The following KIAA0040 variants were observed in gnomAD, a reference collection of about 807,000 sequenced individuals.
KIAA0040 encodes KIAA0040, also known as uncharacterized protein KIAA0040.
KIAA0040 carries 10 observed loss-of-function variants against 7.2 expected under a neutral mutation model. The ratio of observed to expected loss-of-function variants is 1.38; its 90% confidence interval spans 0.85 to 2.34. The LOEUF is 2.34. Among genes scored for constraint, KIAA0040 ranks in the 30% most tolerant of loss-of-function variants. The pLI, the probability that KIAA0040 is intolerant of heterozygous loss-of-function variation, is 0.00. For missense variants in KIAA0040, 89 were observed against 108.2 expected, an observed-to-expected ratio of 0.82 and a Z score of 0.79; for synonymous variants, 49 against 40.1, an observed-to-expected ratio of 1.22 and a Z score of -0.84.
chr1:175,182,104 A>G (rs1033875051), intron 1 of KIAA0040, among the ~76,000 whole-genome samples: 4 of 152,168 alleles, frequency 2.6e-5, no homozygotes, highest in African/African-American at 9.7e-5. Context: ...CCCTCCATAC[A>G]TCATAACATG....
intron 2 of KIAA0040, among the ~76,000 whole-genome samples, chr1:175,176,115 C>T (rs546911628): frequency 1.3e-5 from 2 of 152,288 alleles, no homozygotes; most frequent in African/African-American, 4.8e-5. Flanking sequence ...GGGGCAATAA[C>T]AGAATGACTG....
chr1:175,174,577 A>T lies in KIAA0040; in HGVS notation c.-310+3034T>A, dbSNP rs150356297. On this transcript the variant is annotated intron_variant, in intron 2 of 3. Transcript: ENST00000423313. ...CATGTGGAAGAACACTGAGCAGGGA[A>T]AATTGCAATCTCAATGCAAAGTAGT... Among the ~76,000 whole-genome samples, 19 of 152,314 alleles carry T rather than the reference A, an allele frequency of 1.2e-4. No homozygotes were observed. In the East Asian group the frequency reaches 2.7e-3, roughly 22 times the overall value.
At chr1:175,163,235 G>T (rs1894709) in intron 3 of KIAA0040, among the ~76,000 whole-genome samples, 61,680 of 152,078 alleles carry the variant, frequency 0.41, 12,927 homozygotes, top group Non-Finnish European at 0.45. Flanking sequence ...CTATTCCCCA[G>T]ATTAACTTAA....
intron 3 of KIAA0040, among the ~76,000 whole-genome samples, chr1:175,164,802 T>C (rs1468779357): frequency 1.3e-5 from 2 of 151,508 alleles, no homozygotes; most frequent in Non-Finnish European, 2.9e-5. Flanking sequence ...TCATTAGTAT[T>C]TATGAGTCTT....
chr1:175,179,078 A>G (rs1677334837), intron 1 of KIAA0040, among the ~76,000 whole-genome samples: 1 of 151,998 alleles, frequency 6.6e-6, no homozygotes, highest in South Asian at 2.1e-4. Context: ...AGTTGGGGTG[A>G]GCTACATAGG....
rs1348168458 is a variant in KIAA0040, at chr1:175,159,650, C to T, written c.*1064G>A. 1 of 152,238 alleles carries T rather than the reference C, an allele frequency of 6.6e-6. No individual in the cohort carries two copies. Among genetic ancestry groups the T allele is most frequent in the Admixed American group, 6.5e-5 (1 of 15,284 alleles). 9.4% of individuals were successfully genotyped at this position (152,238 alleles called of 1,614,324 possible). ...TCCAGTGTTGCCTTCTGTGAGACTG[C>T]ACTGATGATTGTCTAGTTCCTTCCC... On this transcript the variant is annotated 3_prime_UTR_variant, in exon 4 of 4. Coordinates refer to ENST00000423313, the MANE Select transcript of KIAA0040 (RefSeq NM_014656.3).
At position 175,159,250 on chromosome 1, in the gene KIAA0040, A is replaced by G. The variant is rs1334435838; in HGVS notation, c.*1464T>C. On this transcript the variant is annotated 3_prime_UTR_variant, in exon 4 of 4. Coordinates refer to ENST00000423313, the MANE Select transcript of KIAA0040 (RefSeq NM_014656.3). ...GCTTCCCAACCTCACTCTGGCGGGGAAAGCCCTCCTCAGCTCACTGTGGAT... is the reference window on the plus strand; with the variant it reads ...GCTTCCCAACCTCACTCTGGCGGGGGAAGCCCTCCTCAGCTCACTGTGGAT... 5.9e-5 allele frequency: 9 copies of G among 152,268 alleles called. No individual in the cohort carries two copies. Among genetic ancestry groups the G allele is most frequent in the Non-Finnish European group, 1.0e-4 (7 of 68,038 alleles). 9.4% of individuals were successfully genotyped at this position (152,268 alleles called of 1,614,324 possible). A position where few individuals can be genotyped will look rare whatever the true frequency, so the allele number is the denominator to read the frequency against.
chr1:175,162,517 C>T (rs1426599428), intron 3 of KIAA0040, among the ~76,000 whole-genome samples: 1 of 152,164 alleles, frequency 6.6e-6, no homozygotes, highest in Non-Finnish European at 1.5e-5. Context: ...CATTTCACTT[C>T]ATACTTTTCT....
chr1:175,166,980 T>C (rs769255812), intron 2 of KIAA0040, among the ~76,000 whole-genome samples: 8 of 152,162 alleles, frequency 5.3e-5, no homozygotes, highest in Non-Finnish European at 1.0e-4. Context: ...GCAAACCAGA[T>C]CCCTGTCCTT....
In KIAA0040 at chr1:175,158,220, C is replaced by A. The variant is rs1387308889; in HGVS notation, c.*2494G>T. ...TCTGTGATGGGGAAAAGAGAGGCCC[C>A]ATTCTGGGTTTGGCTCTTCTGAGTC... On this transcript the variant is annotated 3_prime_UTR_variant, in exon 4 of 4. Coordinates refer to ENST00000423313, the MANE Select transcript of KIAA0040 (RefSeq NM_014656.3). 6.6e-6 allele frequency: 1 copy of A among 152,342 alleles called. No homozygotes were observed. Among genetic ancestry groups the A allele is most frequent in the African/African-American group, 2.4e-5 (1 of 41,444 alleles). The allele number at this position is 152,342 out of a possible 1,614,324, so 9.4% of individuals were successfully genotyped here. A position where few individuals can be genotyped will look rare whatever the true frequency, so the allele number is the denominator to read the frequency against.
At chr1:175,170,030 T>C (rs1231853890) in intron 2 of KIAA0040, among the ~76,000 whole-genome samples, 1 of 152,192 alleles carries the variant, frequency 6.6e-6, no homozygotes, top group Non-Finnish European at 1.5e-5. Flanking sequence ...AAAGTATACA[T>C]GTTAGTGCAA....
chr1:175,162,374 C>A (rs1676579589), intron 3 of KIAA0040, among the ~76,000 whole-genome samples: 1 of 152,092 alleles, frequency 6.6e-6, no homozygotes, highest in African/African-American at 2.4e-5. Context: ...ATGTCTGAGG[C>A]CATAGAGACC....
intron 3 of KIAA0040, among the ~76,000 whole-genome samples, chr1:175,165,950 G>A (rs1255275608): frequency 6.6e-6 from 1 of 152,212 alleles, no homozygotes; most frequent in Non-Finnish European, 1.5e-5. Context: ...AACAGTGTCT[G>A]TGAGACAGTA....
chr1:175,161,168 A>T, intron 3 of KIAA0040, 22 bp from the exon 4 acceptor site: 1 of 620,084 alleles, frequency 1.6e-6, no homozygotes. Context: ...AAAACAGACA[A>T]CTGAAGAGAA....
chr1:175,189,868 C>T (rs1214069562), intron 1 of KIAA0040, among the ~76,000 whole-genome samples: 1 of 152,162 alleles, frequency 6.6e-6, no homozygotes, highest in Non-Finnish European at 1.5e-5. Flanking sequence ...TGTTCAAGGT[C>T]AGCTAATAAG....
intron 1 of KIAA0040, among the ~76,000 whole-genome samples, chr1:175,181,907 T>C (rs1034314162): frequency 1.3e-5 from 2 of 152,222 alleles, no homozygotes; most frequent in African/African-American, 4.8e-5. Flanking sequence ...AACTCAGCTC[T>C]AGAGGCCTCC....
At chr1:175,186,792 T>G (rs1677676308) in intron 1 of KIAA0040, among the ~76,000 whole-genome samples, 1 of 152,254 alleles carries the variant, frequency 6.6e-6, no homozygotes, top group African/African-American at 2.4e-5. Context: ...CAGGGCAAGA[T>G]CTGAGTTTCT....
In KIAA0040 at chr1:175,160,354, TTGTG is replaced by T. The variant is rs148184244; in HGVS notation, c.*356_*359del. 16 of 220,034 alleles carry T rather than the reference TTGTG, an allele frequency of 7.3e-5. No individual in the cohort carries two copies. Among genetic ancestry groups the T allele is most frequent in the South Asian group, 6.2e-4 (6 of 9,732 alleles). The allele number at this position is 220,034 out of a possible 1,614,324, so 13.6% of individuals were successfully genotyped here. ...TTGCCCACGTACCTGCTACCTGAAT[TTGTG>T]TGTGTGTGTGTTACGTGCATGTGCA... On this transcript the variant is annotated 3_prime_UTR_variant, in exon 4 of 4. Coordinates refer to ENST00000423313, the MANE Select transcript of KIAA0040 (RefSeq NM_014656.3).
Position 175,161,034 on chromosome 1 carries a change from C to G in KIAA0040, c.-21G>C. The G allele has an allele frequency of 6.5e-7, 1 of 1,535,844 alleles. No homozygotes were observed. ...TCCATGGTGCTTGGCTAGATTAGGG[C>G]CAGAGAACCCTCTCGGCTTACAAGC... On this transcript the variant is annotated 5_prime_UTR_variant, in exon 4 of 4. Coordinates refer to ENST00000423313, the MANE Select transcript of KIAA0040 (RefSeq NM_014656.3).
Sources: gnomAD v4.1 joint callset for allele counts (sites outside exome capture counted in the v4.1 genomes callset) on GRCh38, gnomAD v4.1.1 for gene constraint, MANE v1.5 for transcripts, NCBI Gene and HGNC (gene_info 2026-07-23, HGNC 2026-07-21) for gene names.